EHBP1: variants seen among roughly 807,000 people sequenced by gnomAD.
EHBP1 encodes EH domain binding protein 1.
EHBP1 carries 55 observed loss-of-function variants against 144.0 expected under a neutral mutation model. That is an observed-to-expected ratio of 0.38 (90% CI 0.31 to 0.48). The LOEUF is 0.48. EHBP1 is among the 20% of genes least tolerant of loss of function. EHBP1 has a pLI of 0.98. For missense variants in EHBP1, 1,200 were observed against 1,364.2 expected, an observed-to-expected ratio of 0.88 and a Z score of 1.90; for synonymous variants, 469 against 472.7, an observed-to-expected ratio of 0.99 and a Z score of 0.10.
intron 3 of EHBP1, among the ~76,000 whole-genome samples, chr2:62,755,389 C>G (rs1402428032): frequency 6.6e-6 from 1 of 151,516 alleles, no homozygotes; most frequent in African/African-American, 2.4e-5. Flanking sequence ...ATATGATTAT[C>G]TCTTCCTGTG....
intron 7 of EHBP1, among the ~76,000 whole-genome samples, chr2:62,854,802 G>A (rs561227959): frequency 1.1e-4 from 16 of 152,360 alleles, no homozygotes; most frequent in African/African-American, 3.8e-4. Context: ...GCCTGCTACA[G>A]CAGGGAGGCG....
chr2:62,885,121 G>A (rs967686917), intron 10 of EHBP1, among the ~76,000 whole-genome samples: 8 of 152,138 alleles, frequency 5.3e-5, no homozygotes, highest in South Asian at 4.1e-4. Context: ...AACTGACTGC[G>A]GAGGTGGCAA....
At chr2:62,838,621 A>C (rs2047509937) in intron 7 of EHBP1, among the ~76,000 whole-genome samples, 2 of 151,226 alleles carry the variant, frequency 1.3e-5, no homozygotes, top group African/African-American at 4.8e-5. Flanking sequence ...AAAAGAGAGA[A>C]GAATCAAATA....
chr2:62,768,511 T>G (rs757248970), intron 4 of EHBP1, among the ~76,000 whole-genome samples: 1 of 152,104 alleles, frequency 6.6e-6, no homozygotes, highest in Non-Finnish European at 1.5e-5. Flanking sequence ...GCTTCAAAAT[T>G]GAATCAGTAA....
At chr2:62,718,266 A>G (rs1182702140) in intron 2 of EHBP1, among the ~76,000 whole-genome samples, 1 of 152,238 alleles carries the variant, frequency 6.6e-6, no homozygotes, top group East Asian at 1.9e-4. Context: ...TTTTACATAA[A>G]TCATTTAGTT....
At chr2:62,771,417 C>T in intron 5 of EHBP1, 25 bp downstream of exon 5, 1 of 1,553,804 alleles carries the variant, frequency 6.4e-7, no homozygotes, top group Non-Finnish European at 8.7e-7. Context: ...AATTCCTTCA[C>T]CTTTCACATT....
intron 14 of EHBP1, among the ~76,000 whole-genome samples, chr2:62,971,578 C>G (rs1379016085): frequency 1.3e-5 from 2 of 152,138 alleles, no homozygotes; most frequent in African/African-American, 4.8e-5. Context: ...AGGGCCAGTG[C>G]TTTGATATCA....
chr2:62,956,964 A>G (rs544767775), intron 14 of EHBP1, among the ~76,000 whole-genome samples: 103 of 152,324 alleles, frequency 6.8e-4, no homozygotes, highest in African/African-American at 2.3e-3. Context: ...AAGTGTCCCA[A>G]TGGAATAAGG....
intron 19 of EHBP1, among the ~76,000 whole-genome samples, chr2:63,023,068 A>C (rs762790630): frequency 3.3e-5 from 5 of 152,106 alleles, no homozygotes; most frequent in African/African-American, 9.7e-5. Context: ...TAGCCACAGA[A>C]GAGGCTGAGG....
At chr2:62,751,197 C>T (rs566015285) in intron 3 of EHBP1, among the ~76,000 whole-genome samples, 2 of 152,220 alleles carry the variant, frequency 1.3e-5, no homozygotes, top group Non-Finnish European at 2.9e-5. Flanking sequence ...GCATGAAGGG[C>T]TGTTGAATTT....
Position 62,831,076 on chromosome 2 carries a change from C to G in EHBP1, c.552C>G (p.Gly184=). The change falls in exon 7 of 23, where the codon GGC becomes GGG. Residue 184 remains glycine (G), a synonymous_variant. Coordinates refer to ENST00000431489, the MANE Select transcript of EHBP1 (RefSeq NM_001142616.3). ...TGAGTATGAAGCAGGCTGACATTGG[C>G]AATTTAGATGACTTCGAAGAAGATA... ...SLMSMKQADI[G]NLDDFEEDNE... The G allele has an allele frequency of 6.2e-7, 1 of 1,611,528 alleles. No individual in the cohort carries two copies. The highest frequency in any genetic ancestry group is 1.1e-5 in the South Asian group (1 of 90,574).
At chr2:63,007,785 A>G (rs770986524) in intron 19 of EHBP1, among the ~76,000 whole-genome samples, 6 of 151,872 alleles carry the variant, frequency 4.0e-5, no homozygotes, top group Non-Finnish European at 8.8e-5. Flanking sequence ...AATTAAAGAA[A>G]TTCAGCAGGG....
intron 4 of EHBP1, among the ~76,000 whole-genome samples, chr2:62,768,711 C>T (rs1292487174): frequency 6.6e-6 from 1 of 151,946 alleles, no homozygotes; most frequent in African/African-American, 2.4e-5. Context: ...AGAGACACAA[C>T]AAAAGAAAAC....
intron 10 of EHBP1, among the ~76,000 whole-genome samples, chr2:62,915,880 A>G (rs1413050234): frequency 6.6e-6 from 1 of 152,198 alleles, no homozygotes; most frequent in Non-Finnish European, 1.5e-5. Flanking sequence ...TACACAACAC[A>G]TTTGCATAAT....
intron 2 of EHBP1, among the ~76,000 whole-genome samples, chr2:62,717,282 GC>G (rs1296562311): frequency 6.6e-6 from 1 of 152,118 alleles, no homozygotes; most frequent in African/African-American, 2.4e-5. Context: ...CAATTAAAAT[GC>G]CCAGGGAACT....
intron 5 of EHBP1, among the ~76,000 whole-genome samples, chr2:62,797,282 A>G (rs1558686091): frequency 2.6e-5 from 4 of 152,214 alleles, no homozygotes; most frequent in Admixed American, 6.5e-5. Context: ...TTGAGCACCA[A>G]CAGCATACTG....
chr2:62,698,089 C>A (rs1307938459), intron 1 of EHBP1, among the ~76,000 whole-genome samples: 1 of 152,202 alleles, frequency 6.6e-6, no homozygotes, highest in Non-Finnish European at 1.5e-5. Flanking sequence ...ACATGGCAAA[C>A]AAACTGATTG....
intron 3 of EHBP1, among the ~76,000 whole-genome samples, chr2:62,762,760 C>T (rs1428254055): frequency 3.3e-5 from 5 of 152,160 alleles, no homozygotes; most frequent in African/African-American, 9.7e-5. Flanking sequence ...TTATTGCAGT[C>T]GCTTTTTAAT....
intron 10 of EHBP1, among the ~76,000 whole-genome samples, chr2:62,876,521 A>G (rs1306987154): frequency 6.6e-6 from 1 of 152,220 alleles, no homozygotes; most frequent in African/African-American, 2.4e-5. Flanking sequence ...GGCCACCACA[A>G]AAACACAGTT....
Sources: allele counts gnomAD v4.1 joint callset (sites outside exome capture counted in the v4.1 genomes callset), GRCh38; gene constraint gnomAD v4.1.1; transcripts MANE v1.5; gene names NCBI Gene and HGNC (gene_info 2026-07-23, HGNC 2026-07-21).